SLC35F4: variants seen among roughly 807,000 people sequenced by gnomAD.
The protein encoded by SLC35F4 is chromosome 14 open reading frame 36.
A neutral mutation model predicts 44.2 loss-of-function variants in SLC35F4; 24 were observed. That is an observed-to-expected ratio of 0.54 (90% CI 0.39 to 0.76). The LOEUF is 0.76. Among genes scored for constraint, SLC35F4 ranks in the 30% least tolerant of loss-of-function variants. The probability of loss-of-function intolerance (pLI) is 0.00; values close to 1 mark genes in which losing one functional copy is unlikely to be tolerated. For synonymous variants in SLC35F4, 238 were observed against 223.6 expected, an observed-to-expected ratio of 1.06 and a Z score of -0.57; for missense variants, 562 against 586.1, an observed-to-expected ratio of 0.96 and a Z score of 0.42.
intron 1 of SLC35F4, among the ~76,000 whole-genome samples, chr14:57,726,438 T>C (rs956308003): frequency 1.3e-5 from 2 of 152,246 alleles, no homozygotes; most frequent in African/African-American, 4.8e-5. Flanking sequence ...TTGTCATTAA[T>C]ACTTCCTCCT....
At chr14:57,722,279 AAG>A (rs1028943940) in intron 1 of SLC35F4, among the ~76,000 whole-genome samples, 8 of 152,186 alleles carry the variant, frequency 5.3e-5, no homozygotes, top group African/African-American at 1.9e-4. Flanking sequence ...AATATGGATT[AAG>A]AGATGGCCCA....
chr14:57,743,643 G>A (rs1358138659), intron 1 of SLC35F4, among the ~76,000 whole-genome samples: 1 of 152,102 alleles, frequency 6.6e-6, no homozygotes, highest in African/African-American at 2.4e-5. Flanking sequence ...TTCTACCAGA[G>A]GTACAAAGAG....
At chr14:57,578,074 C>A (rs1416244960) in intron 4 of SLC35F4, among the ~76,000 whole-genome samples, 1 of 150,728 alleles carries the variant, frequency 6.6e-6, no homozygotes, top group Non-Finnish European at 1.5e-5. Context: ...TACTTGTGGT[C>A]CGGATAAACC....
chr14:57,853,789 G>A (rs142917429), intron 1 of SLC35F4, among the ~76,000 whole-genome samples: 10 of 152,288 alleles, frequency 6.6e-5, no homozygotes, highest in African/African-American at 2.4e-4. Flanking sequence ...AGAGCAAGAA[G>A]TCTTCCTGTT....
At chr14:57,854,658 C>T (rs1358026234) in intron 1 of SLC35F4, among the ~76,000 whole-genome samples, 4 of 152,202 alleles carry the variant, frequency 2.6e-5, no homozygotes, top group Non-Finnish European at 5.9e-5. Context: ...TATTTTGGTG[C>T]CTGAGTACCT....
chr14:57,971,396 A>C (rs1881049799), intron 1 of SLC35F4, among the ~76,000 whole-genome samples: 1 of 152,252 alleles, frequency 6.6e-6, no homozygotes, highest in Admixed American at 6.5e-5. Context: ...ATAAACTTTG[A>C]GTACATTACT....
intron 1 of SLC35F4, among the ~76,000 whole-genome samples, chr14:57,751,288 A>AAT (rs1181908549): frequency 6.6e-6 from 1 of 152,186 alleles, no homozygotes; most frequent in African/African-American, 2.4e-5. Context: ...CAACATTGTT[A>AAT]ATATCTCCAT....
intron 1 of SLC35F4, among the ~76,000 whole-genome samples, chr14:57,858,328 C>T (rs1887328033): frequency 2.0e-5 from 3 of 152,016 alleles, no homozygotes; most frequent in Admixed American, 2.0e-4. Context: ...GGCACATATA[C>T]ACCATGGAAT....
intron 1 of SLC35F4, among the ~76,000 whole-genome samples, chr14:57,643,117 A>G (rs1392293657): frequency 6.6e-6 from 1 of 151,988 alleles, no homozygotes; most frequent in Non-Finnish European, 1.5e-5. Flanking sequence ...ATTGTAAATG[A>G]CCCACAAACA....
chr14:57,890,844 A>G (rs1283222154), intron 1 of SLC35F4, among the ~76,000 whole-genome samples: 1 of 152,260 alleles, frequency 6.6e-6, no homozygotes, highest in Non-Finnish European at 1.5e-5. Flanking sequence ...GAAGAAAAAA[A>G]TGAAAGATTT....
chr14:57,822,291 A>C (rs1462902144), intron 1 of SLC35F4, among the ~76,000 whole-genome samples: 1 of 152,142 alleles, frequency 6.6e-6, no homozygotes, highest in Non-Finnish European at 1.5e-5. Context: ...GCACCTTTCC[A>C]TCAATTACAT....
upstream of SLC35F4, chr14:57,982,290 C>G (rs1881404404): frequency 6.6e-6 from 1 of 152,214 alleles, no homozygotes; most frequent in South Asian, 2.1e-4. Flanking sequence ...AACCCCACCA[C>G]AGCCAACAGC....
chr14:57,763,537 A>G (rs1437731420), intron 1 of SLC35F4, among the ~76,000 whole-genome samples: 3 of 152,160 alleles, frequency 2.0e-5, no homozygotes, highest in Non-Finnish European at 4.4e-5. Flanking sequence ...TTCCTCTTCT[A>G]TAAATTTCTG....
At chr14:57,682,715 G>A (rs2074946301) in intron 1 of SLC35F4, among the ~76,000 whole-genome samples, 1 of 151,940 alleles carries the variant, frequency 6.6e-6, no homozygotes, top group Non-Finnish European at 1.5e-5. Context: ...CCCAGTGTTG[G>A]TGTGGATATG....
intron 1 of SLC35F4, among the ~76,000 whole-genome samples, chr14:57,663,519 G>T: frequency 6.6e-6 from 1 of 152,120 alleles, no homozygotes; most frequent in East Asian, 1.9e-4. Context: ...AAGCACCAGT[G>T]GGAGCCACCA....
chr14:57,728,081 A>T (rs2076248128), intron 1 of SLC35F4, among the ~76,000 whole-genome samples: 1 of 152,238 alleles, frequency 6.6e-6, no homozygotes, highest in Non-Finnish European at 1.5e-5. Flanking sequence ...GGGTGCATAT[A>T]TATTTATAAG....
At chr14:57,796,524 C>T (rs1311074935) in intron 1 of SLC35F4, among the ~76,000 whole-genome samples, 1 of 152,112 alleles carries the variant, frequency 6.6e-6, no homozygotes, top group Non-Finnish European at 1.5e-5. Context: ...GCTTGTGCAA[C>T]TTGTTTCAAA....
intron 1 of SLC35F4, among the ~76,000 whole-genome samples, chr14:57,703,397 G>A (rs1421393543): frequency 3.3e-5 from 5 of 152,146 alleles, no homozygotes; most frequent in Non-Finnish European, 7.4e-5. Context: ...CACAGGGCAG[G>A]GCTAAGTTGG....
At chr14:57,823,927 T>G (rs1180147230) in intron 1 of SLC35F4, among the ~76,000 whole-genome samples, 1 of 152,154 alleles carries the variant, frequency 6.6e-6, no homozygotes, top group Non-Finnish European at 1.5e-5. Context: ...ACAACTTTGT[T>G]TTCTTGTACA....
Sources: gnomAD v4.1 joint callset for allele counts (sites outside exome capture counted in the v4.1 genomes callset) on GRCh38, gnomAD v4.1.1 for gene constraint, MANE v1.5 for transcripts, NCBI Gene and HGNC (gene_info 2026-07-23, HGNC 2026-07-21) for gene names.